The following PREX2 variants were observed in gnomAD, a reference collection of about 807,000 sequenced individuals.
The protein encoded by PREX2 is phosphatidylinositol-3,4,5-trisphosphate dependent Rac exchange factor 2.
Under a neutral mutation model 203.2 loss-of-function variants are expected in PREX2, and 107 were observed. That is an observed-to-expected ratio of 0.53 (90% CI 0.45 to 0.62). PREX2 has a LOEUF of 0.62. Ranked by LOEUF, PREX2 falls within the 20% of genes least tolerant of loss-of-function variation. The pLI, the probability that PREX2 is intolerant of heterozygous loss-of-function variation, is 0.00. For synonymous variants in PREX2, 672 were observed against 663.6 expected, an observed-to-expected ratio of 1.01 and a Z score of -0.19; for missense variants, 1,777 against 1,955.9, an observed-to-expected ratio of 0.91 and a Z score of 1.72.
intron 14 of PREX2, 46 bp from the exon 15 acceptor site, chr8:68,077,351 G>T: frequency 7.3e-7 from 1 of 1,366,982 alleles, no homozygotes; most frequent in Admixed American, 1.7e-5. Context: ...CTGCCACAAA[G>T]CCTTTAGTTG....
intron 35 of PREX2, among the ~76,000 whole-genome samples, chr8:68,165,393 G>A (rs1811741611): frequency 6.6e-6 from 1 of 152,110 alleles, no homozygotes; most frequent in African/African-American, 2.4e-5. Flanking sequence ...ATTGGGTGGT[G>A]TTTTTATTCA....
In PREX2 at chr8:67,952,341, G is replaced by A; in HGVS notation, c.-54G>A. 1 of 1,340,964 alleles carries A rather than the reference G, an allele frequency of 7.5e-7. No individual in the cohort carries two copies. The highest frequency in any genetic ancestry group is 2.7e-4 in the Middle Eastern group (1 of 3,770). The allele number at this position is 1,340,964 out of a possible 1,614,324, so 83.1% of individuals were successfully genotyped here. On this transcript the variant is annotated 5_prime_UTR_variant, in exon 1 of 40. Transcript: ENST00000288368. ...CCGGGGGCCGGGCAGCAGCGGGCGCGCGGGTCAGCGCTCAGCACGGCGGGC... is the reference window on the plus strand; with the variant it reads ...CCGGGGGCCGGGCAGCAGCGGGCGCACGGGTCAGCGCTCAGCACGGCGGGC...
rs746557524 is a variant in PREX2, at chr8:67,993,410, T to TC, written c.142-24436_142-24435insC. The stretch of plus-strand genomic sequence containing the variant: ...CAGTATTACTTCAGTCTTTTTTTTT[T>TC]TCTTTTTTTTTTTTGAGACAGGGTC... On this transcript the variant is annotated intron_variant, in intron 1 of 39. Transcript: ENST00000288368. Among the ~76,000 whole-genome samples the TC allele has an allele frequency of 1.8e-3, 261 of 148,274 alleles. 3 individuals are homozygous for TC. The highest frequency in any genetic ancestry group is 0.01 in the East Asian group (52 of 5,056).
intron 37 of PREX2, among the ~76,000 whole-genome samples, chr8:68,197,805 A>G (rs1156859627): frequency 6.7e-6 from 1 of 148,830 alleles, no homozygotes; most frequent in Non-Finnish European, 1.5e-5. Context: ...TATATGCTAT[A>G]TATATGCTAC....
intron 4 of PREX2, among the ~76,000 whole-genome samples, chr8:68,025,441 T>G (rs1226238419): frequency 1.3e-5 from 2 of 152,066 alleles, no homozygotes; most frequent in South Asian, 4.1e-4. Context: ...AGATTTTCTC[T>G]TTGTGTTTTT....
chr8:67,952,746 CG>C lies in PREX2; in HGVS notation c.141+216del, dbSNP rs761228164. ...TGGTGCCCCGAGACTCACTGAGTTG[CG>C]GGGGCCTTGGAGACCTCCAGGTCTG... is the stretch of plus-strand genomic sequence containing the variant. On this transcript the variant is annotated intron_variant, in intron 1 of 39. Transcript: ENST00000288368. The C allele has an allele frequency of 3.9e-4, 270 of 686,096 alleles. 1 individual carries two copies. Among genetic ancestry groups the C allele is most frequent in the Non-Finnish European group, 6.3e-4 (247 of 391,906 alleles). 42.5% of individuals were successfully genotyped at this position (686,096 alleles called of 1,614,324 possible).
intron 37 of PREX2, among the ~76,000 whole-genome samples, chr8:68,200,546 T>C (rs1052093736): frequency 2.0e-5 from 3 of 152,090 alleles, no homozygotes; most frequent in Non-Finnish European, 2.9e-5. Context: ...TTTTCCATTA[T>C]CTGTAATAAA....
intron 10 of PREX2, among the ~76,000 whole-genome samples, chr8:68,057,173 T>G (rs1394433447): frequency 6.6e-6 from 1 of 152,066 alleles, no homozygotes; most frequent in Non-Finnish European, 1.5e-5. Context: ...ATCTGATGGT[T>G]TTATAAGGGG....
At chr8:68,165,446 C>T (rs1811742767) in intron 35 of PREX2, among the ~76,000 whole-genome samples, 1 of 151,972 alleles carries the variant, frequency 6.6e-6, no homozygotes, top group African/African-American at 2.4e-5. Context: ...TCCCCCATCC[C>T]CTCGGTGTTT....
chr8:68,148,251 A>C lies in PREX2; in HGVS notation c.4231+1899A>C, dbSNP rs1274545412. ...AATAGGGTGAGACTCTGCTTCAATA[A>C]ATAAATAAATAAATAAATAGCCACT... On this transcript the variant is annotated intron_variant, in intron 34 of 39. Transcript: ENST00000288368. 2.6e-5 allele frequency among the ~76,000 whole-genome samples: 4 copies of C among 152,114 alleles called. No homozygotes were observed. In the East Asian group the frequency reaches 5.8e-4, roughly 22 times the overall value.
intron 23 of PREX2, among the ~76,000 whole-genome samples, chr8:68,100,678 G>C (rs1445478739): frequency 1.3e-5 from 2 of 152,182 alleles, no homozygotes; most frequent in South Asian, 4.1e-4. Flanking sequence ...GCTTAGGTGG[G>C]GCCAACTGTG....
chr8:68,096,969 T>G (rs1348517214), intron 21 of PREX2, 48 bp from the exon 22 acceptor site: 1 of 1,490,000 alleles, frequency 6.7e-7, no homozygotes, highest in South Asian at 1.2e-5. Context: ...TTGAGGAGAT[T>G]AACAAATCCT....
chr8:67,968,795 G>C (rs577845250), intron 1 of PREX2, among the ~76,000 whole-genome samples: 27 of 152,238 alleles, frequency 1.8e-4, no homozygotes, highest in African/African-American at 6.5e-4. Context: ...TTTTGACTGT[G>C]GTTTGAATCT....
intron 11 of PREX2, among the ~76,000 whole-genome samples, chr8:68,061,344 G>A (rs1585748612): frequency 6.6e-6 from 1 of 152,324 alleles, no homozygotes; most frequent in East Asian, 1.9e-4. Flanking sequence ...TGGCATGTGG[G>A]CTTATTCCGA....
At chr8:68,148,059 C>A (rs1201948683) in intron 34 of PREX2, among the ~76,000 whole-genome samples, 2 of 152,024 alleles carry the variant, frequency 1.3e-5, no homozygotes, top group Non-Finnish European at 2.9e-5. Context: ...CAAGCCCAGG[C>A]AACATGGTGG....
At chr8:68,079,568 T>C (rs1809450857) in intron 15 of PREX2, among the ~76,000 whole-genome samples, 2 of 121,936 alleles carry the variant, frequency 1.6e-5, no homozygotes, top group African/African-American at 6.1e-5. Flanking sequence ...CTTTTTCTGC[T>C]GTGCCCTGGG....
intron 35 of PREX2, among the ~76,000 whole-genome samples, chr8:68,186,507 G>GT (rs1013228237): frequency 1.3e-5 from 2 of 152,022 alleles, no homozygotes; most frequent in South Asian, 2.1e-4. Context: ...ATATAGCAGG[G>GT]TTTTTTTGTT....
chr8:68,153,295 T>C (rs1053146152), intron 34 of PREX2, among the ~76,000 whole-genome samples: 1 of 152,228 alleles, frequency 6.6e-6, no homozygotes, highest in African/African-American at 2.4e-5. Flanking sequence ...TCTTCAGAGA[T>C]TCTATGTTTT....
chr8:68,090,370 T>G (rs574175906), intron 19 of PREX2, among the ~76,000 whole-genome samples: 9 of 152,086 alleles, frequency 5.9e-5, no homozygotes, highest in Non-Finnish European at 8.8e-5. Flanking sequence ...CTTAGGGAGG[T>G]GAGAAATATT....
Sources: gnomAD v4.1 joint callset for allele counts (sites outside exome capture counted in the v4.1 genomes callset) on GRCh38, gnomAD v4.1.1 for gene constraint, MANE v1.5 for transcripts, NCBI Gene and HGNC (gene_info 2026-07-23, HGNC 2026-07-21) for gene names.